Variants in SLC22A23 observed in about 807,000 individuals in gnomAD.
SLC22A23 encodes the protein ion transporter protein.
Under a neutral mutation model 61.0 loss-of-function variants are expected in SLC22A23, and 26 were observed. The observed-to-expected ratio is 0.43, with a 90% CI of 0.31 to 0.59. The LOEUF (loss-of-function observed/expected upper bound fraction) is 0.59. Ranked by LOEUF, SLC22A23 falls within the 20% of genes least tolerant of loss-of-function variation. The probability of loss-of-function intolerance (pLI) is 0.11; values close to 1 mark genes in which losing one functional copy is unlikely to be tolerated. For synonymous variants in SLC22A23, 430 were observed against 413.9 expected (o/e 1.04, Z -0.47); for missense variants, 796 against 934.7 (o/e 0.85, Z 1.94).
chr6:3,393,335 C>A (rs1767788743), intron 3 of SLC22A23, among the ~76,000 whole-genome samples: 2 of 152,122 alleles, frequency 1.3e-5, no homozygotes, highest in Admixed American at 1.3e-4. Context: ...CTGAACTGGG[C>A]CCATCCAATA....
chr6:3,420,833 AGTG>A (rs1396515752), intron 1 of SLC22A23, among the ~76,000 whole-genome samples: 1 of 152,220 alleles, frequency 6.6e-6, no homozygotes, highest in Admixed American at 6.5e-5. Context: ...GGCCAGGTGC[AGTG>A]GCCCACGCAT....
intron 9 of SLC22A23, among the ~76,000 whole-genome samples, chr6:3,276,439 C>T (rs1758910875): frequency 6.6e-6 from 1 of 152,248 alleles, no homozygotes; most frequent in Non-Finnish European, 1.5e-5. Context: ...ACTTTGTTTC[C>T]TCACCATTGC....
In SLC22A23 at chr6:3,390,336, T is replaced by A. The variant is rs1377304317; in HGVS notation, c.913+19852A>T. ...TTAGATTTTAAAAGATGCCCCTCTG[T>A]CAGAATGCAGAGAGATCTAAGTAGA... On this transcript the variant is annotated intron_variant, in intron 3 of 9. Transcript: ENST00000406686. The surrounding 1 kb of genome is among the most constrained non-coding windows in gnomAD (Gnocchi z 4.0). 1.3e-5 allele frequency among the ~76,000 whole-genome samples: 2 copies of A among 152,194 alleles called. No homozygotes were observed. Among genetic ancestry groups the A allele is most frequent in the African/African-American group, 4.8e-5 (2 of 41,450 alleles).
Position 3,286,265 on chromosome 6 carries a change from A to G in SLC22A23, c.1546+594T>C, listed in dbSNP as rs1228280248. 6.6e-6 allele frequency among the ~76,000 whole-genome samples: 1 copy of G among 151,958 alleles called. No individual in the cohort carries two copies. The highest frequency in any genetic ancestry group is 1.5e-5 in the Non-Finnish European group (1 of 67,976). On this transcript the variant is annotated intron_variant, in intron 7 of 9. Coordinates refer to ENST00000406686, the MANE Select transcript of SLC22A23 (RefSeq NM_015482.2). The surrounding 1 kb of genome is among the most constrained non-coding windows in gnomAD (Gnocchi z 4.2). ...AGGCGTGTACCACCAAGCCCAGCTA[A>G]TTATTTTTTGTATATTTAGTAGAGA...
At chr6:3,310,192 G>A (rs1007688073) in intron 4 of SLC22A23, among the ~76,000 whole-genome samples, 1 of 151,722 alleles carries the variant, frequency 6.6e-6, no homozygotes, top group African/African-American at 2.4e-5. Context: ...AAAGCTGAGT[G>A]TCAGCACGCA....
intron 3 of SLC22A23, among the ~76,000 whole-genome samples, chr6:3,354,279 A>G (rs1240552031): frequency 6.6e-6 from 1 of 152,240 alleles, no homozygotes; most frequent in East Asian, 1.9e-4. Context: ...CTTCAAAGGT[A>G]AATTCAACAG....
intron 3 of SLC22A23, among the ~76,000 whole-genome samples, chr6:3,341,501 T>A (rs950453105): frequency 2.0e-5 from 3 of 152,068 alleles, no homozygotes; most frequent in African/African-American, 7.2e-5. Flanking sequence ...GTCCAGAACA[T>A]GAAAACCCAG....
chr6:3,273,174 C>A lies in SLC22A23; in HGVS notation c.1942G>T (p.Glu648Ter). Reference protein sequence around the residue: ...RQPLLPHKKGEQPLLLTNAEL... With the variant: ...RQPLLPHKKG ...GCGTTGGTGAGCAGCAGTGGCTGCT[C>A]CCCCTTCTTGTGCGGCAGCAGCGGC... The change falls in exon 10 of 10, where the codon GAG (glutamate) becomes TAG (stop). Residue 648 changes from glutamate (E) to a stop codon, truncating the protein, a stop_gained. Transcript: ENST00000406686. LOFTEE classifies it high-confidence loss of function. 4 of 1,612,870 alleles carry A rather than the reference C, an allele frequency of 2.5e-6. No individual in the cohort carries two copies. Among genetic ancestry groups the A allele is most frequent in the Non-Finnish European group, 3.4e-6 (4 of 1,179,842 alleles).
chr6:3,313,358 ATTTT>A (rs933567734), intron 4 of SLC22A23: 1 of 152,112 alleles, frequency 6.6e-6, no homozygotes, highest in African/African-American at 2.4e-5. Flanking sequence ...TGACCAAGAA[ATTTT>A]TTTTATGTTT....
chr6:3,425,688 A>T (rs1024137847), intron 1 of SLC22A23, among the ~76,000 whole-genome samples: 2 of 152,086 alleles, frequency 1.3e-5, no homozygotes, highest in Non-Finnish European at 2.9e-5. Context: ...TGTGCTAGGG[A>T]CTCTGCCAGC....
rs149971541 is a variant in SLC22A23 at position 3,436,698 on chromosome 6, T to G, written c.654+19208A>C. ...CTCTGTCTCCTGGGACCACCTGTTC[T>G]CCAAGCACACTCACAGATCCATCCT... On this transcript the variant is annotated intron_variant, in intron 1 of 9. Transcript: ENST00000406686. 1.1e-3 allele frequency among the ~76,000 whole-genome samples: 173 copies of G among 152,300 alleles called. 1 individual carries two copies. Among genetic ancestry groups the G allele is most frequent in the African/African-American group, 4.0e-3 (166 of 41,578 alleles).
At chr6:3,378,455 G>A (rs1766725746) in intron 3 of SLC22A23, among the ~76,000 whole-genome samples, 1 of 152,056 alleles carries the variant, frequency 6.6e-6, no homozygotes, top group Admixed American at 6.6e-5. Flanking sequence ...GAGGCAACAG[G>A]GTAATTGTTT....
chr6:3,426,613 TTTCAACAC>T (rs1309288553), intron 1 of SLC22A23, among the ~76,000 whole-genome samples: 1 of 152,254 alleles, frequency 6.6e-6, no homozygotes, highest in African/African-American at 2.4e-5. Context: ...TTTTCTCCTG[TTTCAACAC>T]TGGTGTAACC....
chr6:3,424,056 T>C (rs73720886), intron 1 of SLC22A23, among the ~76,000 whole-genome samples: 6,888 of 152,156 alleles, frequency 0.045, 389 homozygotes, highest in African/African-American at 0.13. Context: ...CCTGTTACAT[T>C]CCCTTTATGG....
At chr6:3,283,538 C>T (rs1032754689) in intron 9 of SLC22A23, 5 of 363,482 alleles carry the variant, frequency 1.4e-5, no homozygotes, top group South Asian at 4.6e-5. Flanking sequence ...GGTGGAAGTG[C>T]GGCATAAGTG....
intron 7 of SLC22A23, 49 bp from the exon 8 acceptor site, chr6:3,285,160 CGAGAAGA>C (rs765689805): frequency 5.7e-5 from 92 of 1,609,458 alleles, no homozygotes; most frequent in South Asian, 2.3e-4. Flanking sequence ...GCCAAGCAAG[CGAGAAGA>C]GAGAAGAGAG....
rs114599722 is a variant in SLC22A23, at chr6:3,285,190, G to A, written c.1547-79C>T. On this transcript the variant is annotated intron_variant, in intron 7 of 9. Transcript: ENST00000406686. ...AGAGAGAAGAGAGCACATTAGGTGT[G>A]GAGTTAGCCTAGCGTGTTCCCATGC... 1,225 of 1,581,616 alleles carry A rather than the reference G, an allele frequency of 7.7e-4. 12 individuals carry two copies. In the African/African-American group the frequency reaches 0.015, roughly 20 times the overall value.
At chr6:3,334,514 G>GA (rs201155734) in intron 3 of SLC22A23, among the ~76,000 whole-genome samples, 17 of 150,556 alleles carry the variant, frequency 1.1e-4, no homozygotes, top group East Asian at 9.7e-4. Flanking sequence ...TTTTTTCAAT[G>GA]AAAAAAAAGA....
At chr6:3,301,238 T>C (rs1761581160) in intron 4 of SLC22A23, among the ~76,000 whole-genome samples, 1 of 152,184 alleles carries the variant, frequency 6.6e-6, no homozygotes, top group South Asian at 2.1e-4. Flanking sequence ...TTGGGTTTAG[T>C]ATCTTTTTCT....
Sources: gnomAD v4.1 joint callset for allele counts (sites outside exome capture counted in the v4.1 genomes callset) on GRCh38, gnomAD v4.1.1 for gene constraint, Gnocchi (gnomAD v3.1) non-coding constraint, MANE v1.5 for transcripts, NCBI Gene and HGNC (gene_info 2026-07-23, HGNC 2026-07-21) for gene names.